The following TANC1 variants were observed in gnomAD, a reference collection of about 807,000 sequenced individuals.
TANC1 encodes the protein tetratricopeptide repeat, ankyrin repeat and coiled-coil containing 1, also known as protein TANC1.
TANC1 carries 77 observed loss-of-function variants against 149.7 expected under a neutral mutation model. The observed-to-expected ratio is 0.51, with a 90% CI of 0.43 to 0.62. The LOEUF is 0.62. TANC1 is among the 20% of genes least tolerant of loss of function. TANC1 has a pLI of 0.00. For missense variants in TANC1, 1,985 were observed against 2,321.8 expected (o/e 0.85, Z 2.98); for synonymous variants, 854 against 925.0 (o/e 0.92, Z 1.39).
chr2:159,007,212 T>C (rs997985248), intron 2 of TANC1, among the ~76,000 whole-genome samples: 2 of 145,932 alleles, frequency 1.4e-5, no homozygotes, highest in African/African-American at 5.0e-5. Context: ...AATGGTGCGA[T>C]CTTGGCTCAC....
At position 159,229,766 on chromosome 2, in the gene TANC1, C is replaced by G; in HGVS notation, c.4340C>G (p.Thr1447Ser). The change falls in exon 27 of 27, where the codon ACC (threonine) becomes AGC (serine). Residue 1447 changes from threonine to serine, a missense_variant. Thr to Ser is a moderately conservative substitution (Grantham distance 58). Transcript: ENST00000263635. ...NDSENEEDTPTPGLSDHFHSE... is the reference protein window; with the variant it reads ...NDSENEEDTPSPGLSDHFHSE... The stretch of plus-strand genomic sequence containing the variant: ...TCCGAGAACGAAGAGGACACCCCAA[C>G]CCCTGGCTTAAGTGACCACTTTCAC... The G allele has an allele frequency of 6.2e-7, 1 of 1,614,116 alleles. No homozygotes were observed. The highest frequency in any genetic ancestry group is 1.1e-5 in the South Asian group (1 of 91,076).
intron 2 of TANC1, among the ~76,000 whole-genome samples, chr2:159,040,464 ACTCTTCTTT>A (rs1417548727): frequency 6.6e-6 from 1 of 151,792 alleles, no homozygotes; most frequent in African/African-American, 2.4e-5. Flanking sequence ...GTTTCTTTTT[ACTCTTCTTT>A]CTCTAAACTT....
At chr2:159,212,817 G>A (rs911577169) in intron 19 of TANC1, among the ~76,000 whole-genome samples, 2 of 151,998 alleles carry the variant, frequency 1.3e-5, no homozygotes, top group African/African-American at 4.8e-5. Context: ...CTACCCAGGA[G>A]GCTGAGGCAG....
chr2:158,981,514 T>C (rs1222299946), intron 1 of TANC1, among the ~76,000 whole-genome samples: 2 of 115,840 alleles, frequency 1.7e-5, no homozygotes, highest in African/African-American at 3.1e-5. Context: ...TATATATATA[T>C]ATATATATAT....
Position 159,096,293 on chromosome 2 carries a change from A to ATTTTT in TANC1, c.62-1330_62-1326dup, listed in dbSNP as rs35914993. 1.9e-3 allele frequency among the ~76,000 whole-genome samples: 247 copies of ATTTTT among 130,714 alleles called. 1 individual carries two copies. The highest frequency in any genetic ancestry group is 4.1e-3 in the Admixed American group (53 of 13,030). The allele number at this position is 130,714 out of a possible 152,430, so 85.8% of individuals were successfully genotyped here. A position where few individuals can be genotyped will look rare whatever the true frequency, so the allele number is the denominator to read the frequency against. ...ATCTGAATACATGAGGACTGGCTGT[A>ATTTTT]TTTTTTTTTTTTTTTTTTGGGAGAC... is the stretch of plus-strand genomic sequence containing the variant. On this transcript the variant is annotated intron_variant, in intron 3 of 26. Transcript: ENST00000263635.
chr2:159,121,650 C>A (rs1191507458), intron 4 of TANC1, among the ~76,000 whole-genome samples: 1 of 152,166 alleles, frequency 6.6e-6, no homozygotes, highest in South Asian at 2.1e-4. Flanking sequence ...TAGCATAATT[C>A]ATTAATTAGG....
chr2:159,066,659 A>G (rs2042693294), intron 3 of TANC1, among the ~76,000 whole-genome samples: 1 of 152,206 alleles, frequency 6.6e-6, no homozygotes, highest in African/African-American at 2.4e-5. Flanking sequence ...GTGTTTGACC[A>G]ACTGCTGGCT....
intron 3 of TANC1, among the ~76,000 whole-genome samples, chr2:159,088,713 C>T (rs1014894896): frequency 6.6e-6 from 1 of 152,116 alleles, no homozygotes; most frequent in African/African-American, 2.4e-5. Context: ...AACTCATCGG[C>T]TATCATTAGT....
intron 3 of TANC1, among the ~76,000 whole-genome samples, chr2:159,066,557 A>T (rs1321821631): frequency 6.6e-6 from 1 of 152,178 alleles, no homozygotes; most frequent in Non-Finnish European, 1.5e-5. Context: ...ATCTGGAGGG[A>T]GTCAAAGTTA....
chr2:159,075,416 C>CAA lies in TANC1; in HGVS notation c.61+9454_61+9455dup, dbSNP rs55932985. 2.7e-4 allele frequency among the ~76,000 whole-genome samples: 39 copies of CAA among 143,968 alleles called. No homozygotes were observed. The East Asian group carries it at 3.2e-3, about 12-fold the overall frequency. The allele number at this position is 143,968 out of a possible 152,430, so 94.4% of individuals were successfully genotyped here. ...GACCTTGTCTATTAAAAAAAAAAAA[C>CAA]AAAAAAAAAACTGGCCAGGTGTTGT... On this transcript the variant is annotated intron_variant, in intron 3 of 26. Coordinates refer to ENST00000263635, the MANE Select transcript of TANC1 (RefSeq NM_033394.3).
chr2:159,162,776 A>G (rs1038022247), intron 7 of TANC1, among the ~76,000 whole-genome samples: 1 of 152,106 alleles, frequency 6.6e-6, no homozygotes, highest in African/African-American at 2.4e-5. Context: ...TTAAGGGTCA[A>G]ATTCTCTGTT....
At chr2:159,061,862 G>C (rs1306249574) in intron 2 of TANC1, among the ~76,000 whole-genome samples, 1 of 152,144 alleles carries the variant, frequency 6.6e-6, no homozygotes, top group Non-Finnish European at 1.5e-5. Context: ...TCTACTTGCT[G>C]TCATAGAGGC....
chr2:159,149,321 C>T (rs778337495), intron 6 of TANC1, 49 bp downstream of exon 6: 23 of 1,611,912 alleles, frequency 1.4e-5, no homozygotes, highest in Middle Eastern at 1.6e-4. Context: ...AGAGGATGAA[C>T]GAAGCAATAA....
chr2:159,057,653 A>C (rs953857054), intron 2 of TANC1, among the ~76,000 whole-genome samples: 1 of 152,236 alleles, frequency 6.6e-6, no homozygotes, highest in Non-Finnish European at 1.5e-5. Flanking sequence ...ATAGATTAAA[A>C]TTATGTTTCT....
At chr2:159,193,868 T>G (rs1237796307) in intron 16 of TANC1, among the ~76,000 whole-genome samples, 1 of 151,874 alleles carries the variant, frequency 6.6e-6, no homozygotes, top group African/African-American at 2.4e-5. Flanking sequence ...AATTTTCACA[T>G]CAGGGCCTTG....
intron 19 of TANC1, among the ~76,000 whole-genome samples, chr2:159,204,101 A>G (rs2058444684): frequency 6.6e-6 from 1 of 152,242 alleles, no homozygotes; most frequent in Non-Finnish European, 1.5e-5. Flanking sequence ...TAATTTATCT[A>G]AATTACATGT....
At chr2:159,157,577 C>T (rs1246758886) in intron 7 of TANC1, among the ~76,000 whole-genome samples, 1 of 152,184 alleles carries the variant, frequency 6.6e-6, no homozygotes, top group African/African-American at 2.4e-5. Context: ...TTTTCCTGAT[C>T]GGACTTCCTC....
At chr2:159,007,654 T>A (rs1358448673) in intron 2 of TANC1, among the ~76,000 whole-genome samples, 1 of 152,202 alleles carries the variant, frequency 6.6e-6, no homozygotes, top group Non-Finnish European at 1.5e-5. Context: ...TACGGCAAAA[T>A]CTCCTGACAC....
intron 16 of TANC1, among the ~76,000 whole-genome samples, chr2:159,193,536 T>G (rs796078646): frequency 5.3e-5 from 8 of 152,216 alleles, no homozygotes; most frequent in African/African-American, 1.9e-4. Context: ...TGTTTTGTTT[T>G]TGTTTTTGAG....
Sources: allele counts gnomAD v4.1 joint callset (sites outside exome capture counted in the v4.1 genomes callset), GRCh38; gene constraint gnomAD v4.1.1; transcripts MANE v1.5; gene names NCBI Gene and HGNC (gene_info 2026-07-23, HGNC 2026-07-21).